NWD2: variants seen among roughly 807,000 people sequenced by gnomAD.
NWD2 encodes the protein NACHT and WD repeat domain-containing protein 2.
Under a neutral mutation model 132.7 loss-of-function variants are expected in NWD2, and 37 were observed. The observed-to-expected ratio is 0.28, with a 90% CI of 0.21 to 0.37. The LOEUF (loss-of-function observed/expected upper bound fraction) is 0.37, where lower values mean the gene tolerates loss of function less well. Among genes scored for constraint, NWD2 ranks in the 10% least tolerant of loss-of-function variants. The pLI, the probability that NWD2 is intolerant of heterozygous loss-of-function variation, is 1.00. For synonymous variants in NWD2, 705 were observed against 803.0 expected (o/e 0.88, Z 2.06); for missense variants, 1,592 against 2,122.4 (o/e 0.75, Z 4.91).
At chr4:37,366,946 G>A (rs1000937776) in intron 3 of NWD2, among the ~76,000 whole-genome samples, 3 of 152,128 alleles carry the variant, frequency 2.0e-5, no homozygotes, top group Non-Finnish European at 2.9e-5. Context: ...CCGTAAGTAT[G>A]TAGATTTGAA....
Position 37,446,253 on chromosome 4 carries a change from G to A in NWD2, c.4265G>A (p.Arg1422Lys). The change falls in exon 7 of 7, where the codon AGG (arginine) becomes AAG (lysine). Residue 1422 changes from arginine to lysine, a missense_variant. Transcript: ENST00000309447. The surrounding 1 kb of genome is among the most constrained non-coding windows in gnomAD (Gnocchi z 6.7). ...VVSLCEENASRVWRLATGHRV... is the reference protein window; with the variant it reads ...VVSLCEENASKVWRLATGHRV... ...TCGCTCTGTGAGGAAAATGCCTCCA[G>A]GGTTTGGAGGCTCGCCACAGGCCAC... The A allele has an allele frequency of 6.4e-7, 1 of 1,551,616 alleles. No individual in the cohort carries two copies. The highest frequency in any genetic ancestry group is 8.7e-7 in the Non-Finnish European group (1 of 1,146,974).
chr4:37,405,421 T>TAATAGAATAG (rs36213513), intron 3 of NWD2, among the ~76,000 whole-genome samples: 1,666 of 141,388 alleles, frequency 0.012, 19 homozygotes, highest in African/African-American at 0.017. Flanking sequence ...TAGTTGAATG[T>TAATAGAATAG]AATAGAATAG....
intron 1 of NWD2, among the ~76,000 whole-genome samples, chr4:37,307,707 G>C (rs943556770): frequency 6.6e-6 from 1 of 152,024 alleles, no homozygotes; most frequent in Admixed American, 6.5e-5. Context: ...TATTAAATGG[G>C]TTTTCTATTC....
At chr4:37,374,561 A>G (rs141234341) in intron 3 of NWD2, among the ~76,000 whole-genome samples, 363 of 152,322 alleles carry the variant, frequency 2.4e-3, no homozygotes, top group African/African-American at 8.4e-3. Flanking sequence ...GAATGAGACA[A>G]CAGAGAATGG....
rs182859933 is a variant in NWD2 at position 37,378,121 on chromosome 4, T to C, written c.357+21639T>C. Reference sequence around the variant, plus strand: ...CTAACTTTGATTATGATTAAGAAAATATTCTATGGTTCTCTATGCCCTTCA... The same window carrying C: ...CTAACTTTGATTATGATTAAGAAAACATTCTATGGTTCTCTATGCCCTTCA... On this transcript the variant is annotated intron_variant, in intron 3 of 6. Coordinates refer to ENST00000309447, the MANE Select transcript of NWD2 (RefSeq NM_001144990.2). Among the ~76,000 whole-genome samples, 10 of 152,304 alleles carry C rather than the reference T, an allele frequency of 6.6e-5. No individual in the cohort carries two copies. The East Asian group carries it at 1.5e-3, about 23-fold the overall frequency.
intron 1 of NWD2, among the ~76,000 whole-genome samples, chr4:37,276,866 C>A (rs1718027626): frequency 6.6e-6 from 1 of 151,982 alleles, no homozygotes; most frequent in South Asian, 2.1e-4. Flanking sequence ...CCATCATTCT[C>A]AGCAAACTAT....
chr4:37,287,663 G>C (rs1577656224), intron 1 of NWD2, among the ~76,000 whole-genome samples: 1 of 152,304 alleles, frequency 6.6e-6, no homozygotes, highest in East Asian at 1.9e-4. Flanking sequence ...AGCCCCTAGG[G>C]GGAGGGGTGG....
chr4:37,396,275 G>A (rs1468001569), intron 3 of NWD2, among the ~76,000 whole-genome samples: 1 of 152,146 alleles, frequency 6.6e-6, no homozygotes, highest in Non-Finnish European at 1.5e-5. Flanking sequence ...TCCTACCCCA[G>A]CAATCCACCT....
In NWD2 at chr4:37,445,360, A is replaced by G. The variant is rs778787411; in HGVS notation, c.3372A>G (p.Ile1124Met). ...FCGQYLNTTT[I>M]FHLGSGEKLC... The stretch of plus-strand genomic sequence containing the variant: ...GCCAATACCTGAACACAACCACCAT[A>G]TTTCATTTAGGGAGTGGAGAAAAGT... The change falls in exon 7 of 7, where the codon ATA (isoleucine) becomes ATG (methionine). Residue 1124 changes from isoleucine (I) to methionine (M), a missense_variant. Around this residue, in one of 7 missense-constraint regions of NWD2, gnomAD observed 1,071 missense variants for 1,398.0 expected, o/e 0.77. Transcript: ENST00000309447. This position sits in a 1 kb window ranked among gnomAD's most constrained non-coding sequence, Gnocchi z 4.7. 3.2e-6 allele frequency: 5 copies of G among 1,552,126 alleles called. No individual in the cohort carries two copies. Among genetic ancestry groups the G allele is most frequent in the Non-Finnish European group, 4.4e-6 (5 of 1,147,098 alleles).
chr4:37,277,134 A>T (rs768984799), intron 1 of NWD2, among the ~76,000 whole-genome samples: 12 of 39,696 alleles, frequency 3.0e-4, no homozygotes, highest in African/African-American at 5.5e-4. Flanking sequence ...AAGTATAATT[A>T]AAAAAAAAAA....
intron 3 of NWD2, among the ~76,000 whole-genome samples, chr4:37,401,306 G>A (rs997966557): frequency 1.3e-5 from 2 of 151,926 alleles, no homozygotes; most frequent in Non-Finnish European, 1.5e-5. Context: ...CCTCCATTTG[G>A]CCCAGTTTGC....
intron 3 of NWD2, among the ~76,000 whole-genome samples, chr4:37,364,954 G>A (rs892805170): frequency 2.0e-5 from 3 of 152,182 alleles, no homozygotes; most frequent in Non-Finnish European, 4.4e-5. Context: ...TCACTAGGCA[G>A]AAGAGTAAAG....
At chr4:37,367,187 A>C (rs1720119584) in intron 3 of NWD2, among the ~76,000 whole-genome samples, 1 of 152,062 alleles carries the variant, frequency 6.6e-6, no homozygotes, top group Non-Finnish European at 1.5e-5. Context: ...AAAGATGACT[A>C]AACATGTCTA....
chr4:37,397,987 A>T (rs778768491), intron 3 of NWD2, among the ~76,000 whole-genome samples: 1 of 152,188 alleles, frequency 6.6e-6, no homozygotes, highest in African/African-American at 2.4e-5. Context: ...GTCCAGAAAC[A>T]TGCATTGAAG....
At position 37,448,353 on chromosome 4, in the gene NWD2, C is replaced by A. The variant is rs1204655850; in HGVS notation, c.*1136C>A. 6.6e-6 allele frequency: 1 copy of A among 152,192 alleles called. No homozygotes were observed. The highest frequency in any genetic ancestry group is 1.9e-4 in the East Asian group (1 of 5,202). The allele number at this position is 152,192 out of a possible 1,614,324, so 9.4% of individuals were successfully genotyped here. A position where few individuals can be genotyped will look rare whatever the true frequency, so the allele number is the denominator to read the frequency against. Reference sequence around the variant, plus strand: ...TATTGTCCTTGTTTGTAATCACTTTCTTACTTCTACACACCATCTGTATGC... The same window carrying A: ...TATTGTCCTTGTTTGTAATCACTTTATTACTTCTACACACCATCTGTATGC... On this transcript the variant is annotated 3_prime_UTR_variant, in exon 7 of 7. Coordinates refer to ENST00000309447, the MANE Select transcript of NWD2 (RefSeq NM_001144990.2).
intron 2 of NWD2, among the ~76,000 whole-genome samples, chr4:37,335,308 G>T (rs997112470): frequency 4.1e-5 from 5 of 123,432 alleles, no homozygotes; most frequent in African/African-American, 1.2e-4. Context: ...GGCGGGGGGG[G>T]GGGGCTTAAA....
rs1389604510 is a variant in NWD2, at chr4:37,445,366, T to C, written c.3378T>C (p.His1126=). 6.4e-7 allele frequency: 1 copy of C among 1,552,198 alleles called. No individual in the cohort carries two copies. Among genetic ancestry groups the C allele is most frequent in the Admixed American group, 2.0e-5 (1 of 51,012 alleles). ...ACCTGAACACAACCACCATATTTCATTTAGGGAGTGGAGAAAAGTTATGTA... is the reference window on the plus strand; with the variant it reads ...ACCTGAACACAACCACCATATTTCACTTAGGGAGTGGAGAAAAGTTATGTA... ...GQYLNTTTIF[H]LGSGEKLCTV... is the part of the protein sequence containing the mutation. Residue 1126 remains histidine (H), a synonymous_variant, in exon 7 of 7, where the codon CAT becomes CAC. Coordinates refer to ENST00000309447, the MANE Select transcript of NWD2 (RefSeq NM_001144990.2). The surrounding 1 kb of genome is among the most constrained non-coding windows in gnomAD (Gnocchi z 4.7).
intron 1 of NWD2, among the ~76,000 whole-genome samples, chr4:37,300,206 GA>G (rs1251131042): frequency 6.6e-6 from 1 of 152,110 alleles, no homozygotes; most frequent in Non-Finnish European, 1.5e-5. Context: ...CTCTGTTTCA[GA>G]CCTTGCTATG....
chr4:37,415,069 G>C (rs922765492), intron 3 of NWD2, among the ~76,000 whole-genome samples: 5 of 152,170 alleles, frequency 3.3e-5, no homozygotes, highest in Non-Finnish European at 7.4e-5. Context: ...GGGATGAAAT[G>C]AAAGTATAAA....
Sources: gnomAD v4.1 joint callset for allele counts (sites outside exome capture counted in the v4.1 genomes callset) on GRCh38, gnomAD v4.1.1 for gene constraint, gnomAD v4.1.1 regional missense constraint, Gnocchi (gnomAD v3.1) non-coding constraint, MANE v1.5 for transcripts, NCBI Gene and HGNC (gene_info 2026-07-23, HGNC 2026-07-21) for gene names.